Variants in ZNFX1 observed in about 807,000 individuals in gnomAD.
The protein encoded by ZNFX1 is zinc finger NFX1-type containing 1.
A neutral mutation model predicts 179.8 loss-of-function variants in ZNFX1; 78 were observed. That is an observed-to-expected ratio of 0.43 (90% CI 0.36 to 0.52). The LOEUF (loss-of-function observed/expected upper bound fraction) is 0.52. Among genes scored for constraint, ZNFX1 ranks in the 20% least tolerant of loss-of-function variants. ZNFX1 has a pLI of 0.00. For synonymous variants in ZNFX1, 848 were observed against 868.5 expected (o/e 0.98, Z 0.42); for missense variants, 1,927 against 2,386.6 (o/e 0.81, Z 4.01).
At chr20:49,254,287 A>G (rs1980914956) in intron 10 of ZNFX1, among the ~76,000 whole-genome samples, 2 of 152,196 alleles carry the variant, frequency 1.3e-5, no homozygotes, top group Admixed American at 6.5e-5. Flanking sequence ...TTGGCCTCCC[A>G]AAGTGTTGGG....
At chr20:49,273,696 A>G (rs1981482243) in intron 2 of ZNFX1, among the ~76,000 whole-genome samples, 1 of 152,064 alleles carries the variant, frequency 6.6e-6, no homozygotes, top group Admixed American at 6.6e-5. Context: ...TTGGGAGGCT[A>G]AGGCAGGCAG....
rs1451315799 is a variant in ZNFX1 at position 49,275,849 on chromosome 20, A to C, written c.-10T>G. ...GTCTTCTCTCCTCCATGTCTGAGTCACCTGAATTCCTTCACGTTACTTTCT... is the reference window on the plus strand; with the variant it reads ...GTCTTCTCTCCTCCATGTCTGAGTCCCCTGAATTCCTTCACGTTACTTTCT... On this transcript the variant is annotated 5_prime_UTR_variant, in exon 2 of 14. Transcript: ENST00000396105. The C allele has an allele frequency of 6.2e-7, 1 of 1,613,964 alleles. No individual in the cohort carries two copies. Among genetic ancestry groups the C allele is most frequent in the Non-Finnish European group, 8.5e-7 (1 of 1,179,966 alleles).
At chr20:49,262,428 A>G (rs980819631) in intron 6 of ZNFX1, among the ~76,000 whole-genome samples, 4 of 151,822 alleles carry the variant, frequency 2.6e-5, no homozygotes, top group East Asian at 1.9e-4. Flanking sequence ...AAAAGAAGAA[A>G]AAAAAAAAAG....
Position 49,256,879 on chromosome 20 carries a change from G to GTA in ZNFX1, c.2664+536_2664+537dup, listed in dbSNP as rs1243728841. Among the ~76,000 whole-genome samples, 3 of 152,180 alleles carry GTA rather than the reference G, an allele frequency of 2.0e-5. No individual in the cohort carries two copies. The East Asian group carries it at 5.8e-4, about 29-fold the overall frequency. ...TCCTCGATCATCATAGTTATGCATG[G>GTA]TAAACAGTGAGGACTACTAGGCTCC... is the stretch of plus-strand genomic sequence containing the variant. On this transcript the variant is annotated intron_variant, in intron 8 of 13. Transcript: ENST00000396105.
chr20:49,255,352 C>CT (rs199823035), intron 9 of ZNFX1, among the ~76,000 whole-genome samples: 171 of 145,572 alleles, frequency 1.2e-3, no homozygotes, highest in African/African-American at 3.2e-3. Context: ...CTCTCCTACT[C>CT]TTTTTTTTTT....
intron 2 of ZNFX1, among the ~76,000 whole-genome samples, chr20:49,272,585 G>A (rs984504599): frequency 2.0e-5 from 3 of 152,158 alleles, no homozygotes; most frequent in African/African-American, 7.2e-5. Context: ...CAATAATTGG[G>A]AATATCCTAT....
At chr20:49,277,450 G>A (rs1428766231) in intron 1 of ZNFX1, among the ~76,000 whole-genome samples, 1 of 150,654 alleles carries the variant, frequency 6.6e-6, no homozygotes, top group Non-Finnish European at 1.5e-5. Flanking sequence ...GGGTGCCGAG[G>A]TGCTCTGTAG....
At chr20:49,269,257 C>A (rs1435455875) in intron 3 of ZNFX1, among the ~76,000 whole-genome samples, 3 of 152,128 alleles carry the variant, frequency 2.0e-5, no homozygotes. Flanking sequence ...AATGCAGGAA[C>A]AGAAAATTAA....
rs755911230 is a variant in ZNFX1 at position 49,247,476 on chromosome 20, G to C, written c.5548C>G (p.Arg1850Gly). Residue 1850 changes from arginine (R) to glycine (G), a missense_variant, in exon 14 of 14, where the codon CGC (arginine) becomes GGC (glycine). Arg to Gly is a moderately radical substitution (Grantham distance 125, BLOSUM62 -2). Transcript: ENST00000396105. ...GYPRGHWFKCRNGHIYVIGDC... is the reference protein window; with the variant it reads ...GYPRGHWFKCGNGHIYVIGDC... ...CCAATCACATAGATATGGCCATTGC[G>C]GCACTTGAACCAGTGACCACGAGGA... 1 of 1,614,122 alleles carries C rather than the reference G, an allele frequency of 6.2e-7. No homozygotes were observed. Among genetic ancestry groups the C allele is most frequent in the South Asian group, 1.1e-5 (1 of 91,080 alleles).
intron 1 of ZNFX1, among the ~76,000 whole-genome samples, chr20:49,277,094 G>T (rs1568988892): frequency 6.6e-6 from 1 of 150,976 alleles, no homozygotes; most frequent in East Asian, 1.9e-4. Context: ...AGACTGAAGT[G>T]TTTTTTTTTG....
In ZNFX1 at chr20:49,257,623, T is replaced by C; in HGVS notation, c.2458A>G (p.Ser820Gly). The change falls in exon 8 of 14, where the codon AGT (serine) becomes GGT (glycine). Residue 820 changes from serine to glycine, a missense_variant. Coordinates refer to ENST00000396105, the MANE Select transcript of ZNFX1 (RefSeq NM_021035.3). Reference protein sequence around the residue: ...GDEEEEGEEESSLIEIAEEAD... With the variant: ...GDEEEEGEEEGSLIEIAEEAD... ...TCCTCTGCGATCTCTATCAGCGAAC[T>C]CTCCTCCTCCCCTTCTTCCTCCTCA... The C allele has an allele frequency of 6.2e-7, 1 of 1,613,346 alleles. No individual in the cohort carries two copies. The highest frequency in any genetic ancestry group is 8.5e-7 in the Non-Finnish European group (1 of 1,179,936).
chr20:49,264,732 C>T lies in ZNFX1; in HGVS notation c.2135G>A (p.Arg712Gln), dbSNP rs1425957695. 6.2e-6 allele frequency: 10 copies of T among 1,613,914 alleles called. No individual in the cohort carries two copies. The highest frequency in any genetic ancestry group is 2.2e-5 in the East Asian group (1 of 44,892). Residue 712 changes from arginine to glutamine, a missense_variant, in exon 5 of 14, where the codon CGA (arginine) becomes CAA (glutamine). Coordinates refer to ENST00000396105, the MANE Select transcript of ZNFX1 (RefSeq NM_021035.3). ...EFRRNLPMHL[R>Q]RAYMSIMTQM... Reference sequence around the variant, plus strand: ...GGGACTTACACTCATGTAGGCCCTTCGGAGGTGCATGGGGAGGTTGCGGCG... The same window carrying T: ...GGGACTTACACTCATGTAGGCCCTTTGGAGGTGCATGGGGAGGTTGCGGCG...
Position 49,264,876 on chromosome 20 carries a change from A to T in ZNFX1, c.2003-12T>A. The T allele has an allele frequency of 6.2e-7, 1 of 1,614,190 alleles. No individual in the cohort carries two copies. Among genetic ancestry groups the T allele is most frequent in the Non-Finnish European group, 8.5e-7 (1 of 1,180,032 alleles). ...ACAATTGTAGATGCCTGTGGAACAA[A>T]GTGGAGCATGGCAGGGTTGAGAGGA... On this transcript the variant is annotated splice_polypyrimidine_tract_variant and intron_variant, in intron 4 of 13. Transcript: ENST00000396105.
chr20:49,251,534 T>G lies in ZNFX1; in HGVS notation c.3305A>C (p.Lys1102Thr). The change falls in exon 13 of 14, where the codon AAG (lysine) becomes ACG (threonine). Residue 1102 changes from lysine (K) to threonine (T), a missense_variant. By Grantham distance (78) the Lys-to-Thr change is moderately conservative (BLOSUM62 -1). Coordinates refer to ENST00000396105, the MANE Select transcript of ZNFX1 (RefSeq NM_021035.3). ...ENHPSVLKYEKIKGVSSNLFF... is the reference protein window; with the variant it reads ...ENHPSVLKYETIKGVSSNLFF... The stretch of plus-strand genomic sequence containing the variant: ...CGGGTAAGACAGACTCACCTTAATC[T>G]TCTCATACTTAAGAACAGATGGATG... The G allele has an allele frequency of 6.2e-7, 1 of 1,611,614 alleles. No individual in the cohort carries two copies. The highest frequency in any genetic ancestry group is 8.5e-7 in the Non-Finnish European group (1 of 1,178,614).
Position 49,248,262 on chromosome 20 carries a change from G to A in ZNFX1, c.4762C>T (p.Leu1588=). Residue 1588 remains leucine (L), a synonymous_variant, in exon 14 of 14, where the codon CTG becomes TTG. Transcript: ENST00000396105. This position sits in a 1 kb window ranked among gnomAD's most constrained non-coding sequence, Gnocchi z 4.6. ...TCAAAGATGTGGCTGCAGTCTTCCA[G>A]CTGCACAAAGCGGGCATCAGGCTCA... The part of the protein sequence containing the change: ...EDEPDARFVQ[L]EDCSHIFEVQ... The A allele has an allele frequency of 6.2e-7, 1 of 1,614,128 alleles. No homozygotes were observed. The highest frequency in any genetic ancestry group is 8.5e-7 in the Non-Finnish European group (1 of 1,180,038).
Position 49,252,740 on chromosome 20 carries a change from A to T in ZNFX1, c.3196T>A (p.Phe1066Ile). Residue 1066 changes from phenylalanine (F) to isoleucine (I), a missense_variant, in exon 12 of 14, where the codon TTT (phenylalanine) becomes ATT (isoleucine). By Grantham distance (21) the Phe-to-Ile change is conservative. Transcript: ENST00000396105. ...FERLVKVNIPFVRLNYQHRMC... is the reference protein window; with the variant it reads ...FERLVKVNIPIVRLNYQHRMC... ...CTCACCTGGTAATTCAGACGGACAA[A>T]GGGAATGTTTACTTTCACTAGCCGT... The T allele has an allele frequency of 1.9e-6, 3 of 1,614,020 alleles. No homozygotes were observed. Among genetic ancestry groups the T allele is most frequent in the Non-Finnish European group, 2.5e-6 (3 of 1,179,932 alleles).
Position 49,247,658 on chromosome 20 carries a change from T to C in ZNFX1, c.5366A>G (p.Tyr1789Cys), listed in dbSNP as rs778600945. Reference protein sequence around the residue: ...KVKDSIAVEVYSVQNILEKTC... With the variant: ...KVKDSIAVEVCSVQNILEKTC... ...TTTCTCAAGGATATTCTGGACACTATAGACCTCTACTGCTATGCTATCTTT... is the reference window on the plus strand; with the variant it reads ...TTTCTCAAGGATATTCTGGACACTACAGACCTCTACTGCTATGCTATCTTT... Residue 1789 changes from tyrosine to cysteine, a missense_variant, in exon 14 of 14, where the codon TAT (tyrosine) becomes TGT (cysteine). Tyr to Cys is a radical substitution (Grantham distance 194). Transcript: ENST00000396105. The C allele has an allele frequency of 9.3e-6, 15 of 1,614,222 alleles. No individual in the cohort carries two copies. The highest frequency in any genetic ancestry group is 1.7e-5 in the Admixed American group (1 of 60,024).
At position 49,263,351 on chromosome 20, in the gene ZNFX1, T is replaced by A. The variant is rs750071660; in HGVS notation, c.2284A>T (p.Met762Leu). ...YISPQHWESL[M>L]NGPVQDSEWI... is the part of the protein sequence containing the mutation. ...ACCCCTACCTGCACTGGTCCATTCA[T>A]GAGACTTTCCCAGTGCTGGGGTGAG... Residue 762 changes from methionine to leucine, a missense_variant, in exon 6 of 14, where the codon ATG becomes TTG. Physicochemically the swap from Met to Leu is conservative, Grantham distance 15. Transcript: ENST00000396105. 9 of 1,611,398 alleles carry A rather than the reference T, an allele frequency of 5.6e-6. No individual in the cohort carries two copies. Among genetic ancestry groups the A allele is most frequent in the Non-Finnish European group, 7.6e-6 (9 of 1,178,358 alleles).
rs369214366 is a variant in ZNFX1 at position 49,260,606 on chromosome 20, G to A, written c.2302-29C>T. On this transcript the variant is annotated intron_variant, in intron 6 of 13. Coordinates refer to ENST00000396105, the MANE Select transcript of ZNFX1 (RefSeq NM_021035.3). ...AGGAAAGAAGAATGATCATTTGTGA[G>A]GATTCTATGACAACCAATGTGAAGG... is the stretch of plus-strand genomic sequence containing the variant. 966 of 1,505,718 alleles carry A rather than the reference G, an allele frequency of 6.4e-4. 2 individuals are homozygous for A. The highest frequency in any genetic ancestry group is 8.0e-4 in the Non-Finnish European group (877 of 1,099,568). The allele number at this position is 1,505,718 out of a possible 1,614,324, so 93.3% of individuals were successfully genotyped here. A position where few individuals can be genotyped will look rare whatever the true frequency, so the allele number is the denominator to read the frequency against.
Sources: allele counts gnomAD v4.1 joint callset (sites outside exome capture counted in the v4.1 genomes callset), GRCh38; gene constraint gnomAD v4.1.1; non-coding constraint Gnocchi (gnomAD v3.1); transcripts MANE v1.5; gene names NCBI Gene and HGNC (gene_info 2026-07-23, HGNC 2026-07-21).